The following OPCML variants were observed in gnomAD, a reference collection of about 807,000 sequenced individuals.
OPCML encodes opioid binding protein/cell adhesion molecule like.
OPCML carries 13 observed loss-of-function variants against 37.8 expected under a neutral mutation model. The ratio of observed to expected loss-of-function variants is 0.34; its 90% CI spans 0.22 to 0.55. The LOEUF is 0.55. Ranked by LOEUF, OPCML falls within the 20% of genes least tolerant of loss-of-function variation. The pLI is 0.91. For missense variants in OPCML, 341 were observed against 435.6 expected (o/e 0.78, Z 1.93); for synonymous variants, 176 against 168.8 (o/e 1.04, Z -0.33).
intron 1 of OPCML, among the ~76,000 whole-genome samples, chr11:133,508,765 C>T (rs764284185): frequency 4.0e-5 from 6 of 151,562 alleles, no homozygotes; most frequent in South Asian, 2.1e-4. Context: ...CCCTCCACGC[C>T]GGATGCAGCT....
chr11:132,749,201 G>A (rs968404925), intron 2 of OPCML, among the ~76,000 whole-genome samples: 1 of 152,126 alleles, frequency 6.6e-6, no homozygotes, highest in Non-Finnish European at 1.5e-5. Flanking sequence ...TCACTATGCT[G>A]GCACCCTGAT....
At chr11:132,484,557 C>T (rs2137035898) in intron 4 of OPCML, among the ~76,000 whole-genome samples, 1 of 152,288 alleles carries the variant, frequency 6.6e-6, no homozygotes, top group Admixed American at 6.5e-5. Context: ...ACCCAGCCAT[C>T]CCATTACTGG....
intron 1 of OPCML, among the ~76,000 whole-genome samples, chr11:133,033,954 C>T (rs1251928623): frequency 1.3e-5 from 2 of 152,140 alleles, no homozygotes; most frequent in African/African-American, 2.4e-5. Flanking sequence ...GCAGGATGGC[C>T]AAATCCATTT....
chr11:132,531,756 GT>G (rs11456087), intron 3 of OPCML, among the ~76,000 whole-genome samples: 2,004 of 146,876 alleles, frequency 0.014, 42 homozygotes, highest in African/African-American at 0.041. Flanking sequence ...TGTTCTACCC[GT>G]TTTTTTTTTT....
chr11:133,448,373 A>C (rs1002957641), intron 1 of OPCML, among the ~76,000 whole-genome samples: 5 of 152,316 alleles, frequency 3.3e-5, no homozygotes, highest in Admixed American at 6.5e-5. Context: ...TTTTTCCCCG[A>C]ACATTCAATT....
chr11:133,207,633 G>A (rs1053186640), intron 1 of OPCML, among the ~76,000 whole-genome samples: 1 of 152,150 alleles, frequency 6.6e-6, no homozygotes, highest in Non-Finnish European at 1.5e-5. Context: ...CTCAAATTCT[G>A]ATTCTAATCA....
chr11:132,877,154 A>C (rs1182198117), intron 2 of OPCML, among the ~76,000 whole-genome samples: 2 of 152,162 alleles, frequency 1.3e-5, no homozygotes, highest in Non-Finnish European at 2.9e-5. Context: ...GCAGAATATG[A>C]CTATATTCTG....
chr11:132,651,679 G>T (rs796753363), intron 3 of OPCML, among the ~76,000 whole-genome samples: 2 of 152,258 alleles, frequency 1.3e-5, no homozygotes, highest in African/African-American at 4.8e-5. Flanking sequence ...TCTAGGACTG[G>T]CAGGGCTGGG....
At chr11:133,033,865 C>T (rs1016244864) in intron 1 of OPCML, among the ~76,000 whole-genome samples, 5 of 151,998 alleles carry the variant, frequency 3.3e-5, no homozygotes, top group Admixed American at 1.3e-4. Flanking sequence ...GAGGCAGATA[C>T]GATATCCCCA....
intron 1 of OPCML, among the ~76,000 whole-genome samples, chr11:133,140,988 A>ACGAC (rs1949800947): frequency 2.3e-4 from 1 of 4,430 alleles, no homozygotes. Context: ...AAGAAGAAGA[A>ACGAC]GAAGAAGAAG....
chr11:133,366,523 T>C (rs931044631), intron 1 of OPCML, among the ~76,000 whole-genome samples: 2 of 152,152 alleles, frequency 1.3e-5, no homozygotes, highest in Non-Finnish European at 2.9e-5. Flanking sequence ...GGCTTGAAAT[T>C]GGGAAGGAAG....
At position 132,711,415 on chromosome 11, in the gene OPCML, T is replaced by C. The variant is rs531797449; in HGVS notation, c.147-54096A>G. Among the ~76,000 whole-genome samples the C allele has an allele frequency of 2.0e-5, 3 of 152,376 alleles. No homozygotes were observed. The South Asian group carries it at 6.2e-4, about 32-fold the overall frequency. ...AAAATATATCACAGGGATTGAATCCTGTGTTTAAGGATTGGAACGTTTTCC... is the reference window on the plus strand; with the variant it reads ...AAAATATATCACAGGGATTGAATCCCGTGTTTAAGGATTGGAACGTTTTCC... On this transcript the variant is annotated intron_variant, in intron 2 of 7. Coordinates refer to ENST00000524381, the MANE Select transcript of OPCML (RefSeq NM_001012393.5).
intron 2 of OPCML, among the ~76,000 whole-genome samples, chr11:132,743,879 C>T (rs1261649815): frequency 6.6e-6 from 1 of 152,170 alleles, no homozygotes; most frequent in African/African-American, 2.4e-5. Context: ...TTCTGTCTTG[C>T]CACAAACTCA....
At chr11:132,438,068 C>G (rs1299815630) in intron 4 of OPCML, among the ~76,000 whole-genome samples, 3 of 152,200 alleles carry the variant, frequency 2.0e-5, no homozygotes, top group Non-Finnish European at 2.9e-5. Flanking sequence ...GTGGAGCTCC[C>G]TGGAGGATTC....
chr11:133,223,047 C>T (rs560649193), intron 1 of OPCML, among the ~76,000 whole-genome samples: 5 of 152,330 alleles, frequency 3.3e-5, no homozygotes, highest in East Asian at 1.9e-4. Flanking sequence ...TCTACCAAGA[C>T]GTGGGCAGCC....
intron 2 of OPCML, among the ~76,000 whole-genome samples, chr11:132,879,175 A>G (rs1260765344): frequency 6.6e-6 from 1 of 152,222 alleles, no homozygotes; most frequent in Non-Finnish European, 1.5e-5. Context: ...TGGTTTAATT[A>G]CTATTTCACA....
intron 4 of OPCML, among the ~76,000 whole-genome samples, chr11:132,522,632 T>G (rs983406691): frequency 1.1e-4 from 16 of 152,216 alleles, no homozygotes; most frequent in African/African-American, 3.9e-4. Flanking sequence ...TAAAATAAAC[T>G]GATAAAGTTG....
chr11:132,809,994 CG>C (rs1239113707), intron 2 of OPCML, among the ~76,000 whole-genome samples: 9 of 152,072 alleles, frequency 5.9e-5, no homozygotes, highest in African/African-American at 2.2e-4. Flanking sequence ...GGACTACAGG[CG>C]CCCGCCACCA....
Position 132,684,707 on chromosome 11 carries a change from A to C in OPCML, c.147-27388T>G, listed in dbSNP as rs141178787. On this transcript the variant is annotated intron_variant, in intron 2 of 7. Coordinates refer to ENST00000524381, the MANE Select transcript of OPCML (RefSeq NM_001012393.5). ...ATCTATACACAAAGAATTAATCAGC[A>C]GTGAAAAATGGACAAAAATCTTTGT... Among the ~76,000 whole-genome samples, 677 of 152,362 alleles carry C rather than the reference A, an allele frequency of 4.4e-3. 6 individuals carry two copies. The highest frequency in any genetic ancestry group is 0.016 in the African/African-American group (646 of 41,590).
Sources: allele counts gnomAD v4.1 joint callset (sites outside exome capture counted in the v4.1 genomes callset), GRCh38; gene constraint gnomAD v4.1.1; transcripts MANE v1.5; gene names NCBI Gene and HGNC (gene_info 2026-07-23, HGNC 2026-07-21).